Variants in SORCS3 observed in about 807,000 individuals in gnomAD.
The protein encoded by SORCS3 is VPS10 domain-containing receptor SorCS3.
In SORCS3, 57 loss-of-function variants were observed where a neutral mutation model predicts 146.3. The observed-to-expected ratio is 0.39, with a 90% CI of 0.31 to 0.49. The LOEUF (loss-of-function observed/expected upper bound fraction) is 0.49. Among genes scored for constraint, SORCS3 ranks in the 20% least tolerant of loss-of-function variants. The probability of loss-of-function intolerance (pLI) is 0.92; values close to 1 mark genes in which losing one functional copy is unlikely to be tolerated. For missense variants in SORCS3, 1,341 were observed against 1,575.5 expected (o/e 0.85, Z 2.52); for synonymous variants, 653 against 618.5 (o/e 1.06, Z -0.83).
intron 19 of SORCS3, chr10:105,217,950 C>T (rs565555776): frequency 6.7e-6 from 3 of 448,178 alleles, no homozygotes; most frequent in East Asian, 1.4e-4. Flanking sequence ...CTTACATACC[C>T]CACAAGAGTT....
intron 4 of SORCS3, among the ~76,000 whole-genome samples, chr10:105,002,797 T>C (rs1378236662): frequency 6.6e-6 from 1 of 152,230 alleles, no homozygotes; most frequent in Non-Finnish European, 1.5e-5. Context: ...ATCTGTGTAT[T>C]TGTATGTACT....
At chr10:104,769,170 G>A (rs1589492290) in intron 1 of SORCS3, among the ~76,000 whole-genome samples, 3 of 152,338 alleles carry the variant, frequency 2.0e-5, no homozygotes, top group Admixed American at 6.5e-5. Context: ...TGTGAGAAAT[G>A]TGTGGGCTCT....
intron 3 of SORCS3, among the ~76,000 whole-genome samples, chr10:104,940,238 A>ATATATATATATATATATATATTTT (rs1435205868): frequency 1.9e-4 from 6 of 31,468 alleles, no homozygotes; most frequent in Non-Finnish European, 3.7e-4. Flanking sequence ...ATATATATAT[A>ATATATATATATATATATATATTTT]TTTTTTTTTT....
chr10:104,693,795 G>A (rs1262160011), intron 1 of SORCS3, among the ~76,000 whole-genome samples: 2 of 152,000 alleles, frequency 1.3e-5, no homozygotes, highest in African/African-American at 4.8e-5. Flanking sequence ...ATCCAAGGAG[G>A]AGATTCTTTT....
intron 7 of SORCS3, among the ~76,000 whole-genome samples, chr10:105,106,419 C>T (rs952999676): frequency 6.6e-6 from 1 of 152,194 alleles, no homozygotes; most frequent in Non-Finnish European, 1.5e-5. Context: ...GACTCTCCAT[C>T]CTCTGAACCC....
At chr10:105,062,351 A>G in intron 5 of SORCS3, among the ~76,000 whole-genome samples, 1 of 152,128 alleles carries the variant, frequency 6.6e-6, no homozygotes, top group East Asian at 1.9e-4. Context: ...CAGTTTCTTC[A>G]TTGAAAAAAC....
chr10:104,985,079 G>A (rs1429073593), intron 4 of SORCS3, among the ~76,000 whole-genome samples: 1 of 152,036 alleles, frequency 6.6e-6, no homozygotes, highest in Non-Finnish European at 1.5e-5. Flanking sequence ...CTTCGTTTCA[G>A]GAAAGATTTT....
chr10:104,996,078 C>G (rs746131114), intron 4 of SORCS3, among the ~76,000 whole-genome samples: 1 of 152,148 alleles, frequency 6.6e-6, no homozygotes, highest in African/African-American at 2.4e-5. Context: ...TGTGTGGGCT[C>G]TATTCTATGT....
chr10:105,097,243 A>G (rs2055752814), intron 6 of SORCS3, among the ~76,000 whole-genome samples: 1 of 152,218 alleles, frequency 6.6e-6, no homozygotes, highest in Non-Finnish European at 1.5e-5. Flanking sequence ...GACTTCCTGA[A>G]TTAAACTGAA....
At chr10:105,150,822 G>A (rs1215504500) in intron 9 of SORCS3, among the ~76,000 whole-genome samples, 1 of 152,116 alleles carries the variant, frequency 6.6e-6, no homozygotes. Context: ...AATTTAATTG[G>A]TCTCTAGGGG....
At chr10:104,654,589 C>T (rs2015602087) in intron 1 of SORCS3, among the ~76,000 whole-genome samples, 1 of 152,156 alleles carries the variant, frequency 6.6e-6, no homozygotes, top group Non-Finnish European at 1.5e-5. Context: ...CTTGGCATGT[C>T]TAAAATTTTG....
intron 1 of SORCS3, among the ~76,000 whole-genome samples, chr10:104,790,643 G>A (rs2017485959): frequency 2.6e-5 from 4 of 151,984 alleles, no homozygotes; most frequent in Admixed American, 2.6e-4. Flanking sequence ...TTGTGTCCAT[G>A]TTTTTTTTCC....
chr10:105,152,484 T>C (rs755782962), intron 9 of SORCS3, among the ~76,000 whole-genome samples: 9 of 152,202 alleles, frequency 5.9e-5, no homozygotes, highest in Non-Finnish European at 1.2e-4. Flanking sequence ...ATTTTACATG[T>C]CCCATGAATC....
intron 4 of SORCS3, among the ~76,000 whole-genome samples, chr10:105,019,155 G>A (rs911073252): frequency 2.0e-5 from 3 of 151,948 alleles, no homozygotes; most frequent in African/African-American, 4.8e-5. Context: ...TTTATGTACT[G>A]ACACCAGATT....
intron 3 of SORCS3, among the ~76,000 whole-genome samples, chr10:104,949,112 T>C (rs1362505058): frequency 6.6e-6 from 1 of 152,120 alleles, no homozygotes; most frequent in Non-Finnish European, 1.5e-5. Flanking sequence ...TTTTTTTTCA[T>C]GCTTAAAAAA....
At position 105,216,987 on chromosome 10, in the gene SORCS3, G is replaced by C; in HGVS notation, c.2599G>C (p.Val867Leu). 3.7e-6 allele frequency: 6 copies of C among 1,614,184 alleles called. No individual in the cohort carries two copies. The highest frequency in any genetic ancestry group is 5.1e-6 in the Non-Finnish European group (6 of 1,180,028). Residue 867 changes from valine (V) to leucine (L), a missense_variant, in exon 19 of 27, where the codon GTG becomes CTG. Physicochemically the swap from Val to Leu is conservative, Grantham distance 32. Transcript: ENST00000369701. ...GCTTGACTTTGGGGATGGGATTGCT[G>C]TGTCCTACGCAAACTTCAGCCCCAT... is the stretch of plus-strand genomic sequence containing the variant. ...IQLDFGDGIA[V>L]SYANFSPIED... is the part of the protein sequence containing the mutation.
intron 1 of SORCS3, among the ~76,000 whole-genome samples, chr10:104,657,567 C>G (rs1372635281): frequency 1.3e-5 from 2 of 152,110 alleles, no homozygotes; most frequent in East Asian, 3.9e-4. Flanking sequence ...GTTTCTTTTT[C>G]TGGAGCTGAA....
At position 105,045,298 on chromosome 10, in the gene SORCS3, G is replaced by A. The variant is rs1415571873; in HGVS notation, c.1028+2170G>A. On this transcript the variant is annotated intron_variant, in intron 5 of 26. Transcript: ENST00000369701. Reference sequence around the variant, plus strand: ...CTTCCTTTATGCAGTAAAAAAGAACGAGTCCCTAGGTCCTGATAATTGTGT... The same window carrying A: ...CTTCCTTTATGCAGTAAAAAAGAACAAGTCCCTAGGTCCTGATAATTGTGT... Among the ~76,000 whole-genome samples the A allele has an allele frequency of 2.0e-5, 3 of 152,244 alleles. 1 individual carries two copies. The South Asian group carries it at 6.2e-4, about 32-fold the overall frequency.
intron 1 of SORCS3, among the ~76,000 whole-genome samples, chr10:104,648,411 T>A (rs1242491606): frequency 6.6e-6 from 1 of 152,204 alleles, no homozygotes; most frequent in Non-Finnish European, 1.5e-5. Flanking sequence ...ATTTGTGTGT[T>A]TTCACTCTGA....
Sources: gnomAD v4.1 joint callset for allele counts (sites outside exome capture counted in the v4.1 genomes callset) on GRCh38, gnomAD v4.1.1 for gene constraint, MANE v1.5 for transcripts, NCBI Gene and HGNC (gene_info 2026-07-23, HGNC 2026-07-21) for gene names.